The following HMCN1 variants were observed in gnomAD, a reference collection of about 807,000 sequenced individuals.
HMCN1 encodes the protein hemicentin 1, also known as hemicentin-1.
In HMCN1, 321 loss-of-function variants were observed where a neutral mutation model predicts 625.9. The observed-to-expected ratio is 0.51, with a 90% confidence interval of 0.47 to 0.56. The LOEUF is 0.56. HMCN1 is among the 20% of genes least tolerant of loss of function. The pLI is 0.00. For synonymous variants in HMCN1, 2,425 were observed against 2,417.6 expected, an observed-to-expected ratio of 1.00 and a Z score of -0.09; for missense variants, 6,588 against 6,887.3, an observed-to-expected ratio of 0.96 and a Z score of 1.54.
chr1:185,752,379 C>T (rs1408346624), intron 1 of HMCN1, among the ~76,000 whole-genome samples: 2 of 152,102 alleles, frequency 1.3e-5, no homozygotes, highest in East Asian at 3.9e-4. Context: ...GACATTAACA[C>T]TTTAATAGTC....
intron 1 of HMCN1, among the ~76,000 whole-genome samples, chr1:185,819,678 A>T (rs1660067190): frequency 1.3e-5 from 2 of 152,192 alleles, no homozygotes; most frequent in African/African-American, 2.4e-5. Flanking sequence ...TATTTTACTT[A>T]AAAAAGTCAT....
chr1:185,819,992 A>G (rs374683599), intron 1 of HMCN1, among the ~76,000 whole-genome samples: 1 of 152,310 alleles, frequency 6.6e-6, no homozygotes, highest in African/African-American at 2.4e-5. Flanking sequence ...CAGGAAATAG[A>G]TAAAGTGAGT....
At chr1:186,097,649 T>C (rs377052319) in intron 68 of HMCN1, among the ~76,000 whole-genome samples, 4 of 151,960 alleles carry the variant, frequency 2.6e-5, no homozygotes, top group African/African-American at 9.7e-5. Context: ...TCAGATTCAA[T>C]GCAATTTCTA....
chr1:186,144,484 G>A (rs758468775), intron 90 of HMCN1, 49 bp from the exon 91 acceptor site: 36 of 1,613,054 alleles, frequency 2.2e-5, no homozygotes, highest in South Asian at 5.5e-5. Flanking sequence ...AGTGTAACAC[G>A]ATGGTTCCTA....
chr1:185,955,047 A>G (rs748917104), intron 11 of HMCN1, among the ~76,000 whole-genome samples: 2 of 152,088 alleles, frequency 1.3e-5, no homozygotes, highest in African/African-American at 2.4e-5. Flanking sequence ...GGTTAGGTCA[A>G]TATTTCTCTG....
intron 1 of HMCN1, among the ~76,000 whole-genome samples, chr1:185,793,281 G>C (rs1658127615): frequency 6.6e-6 from 1 of 152,182 alleles, no homozygotes; most frequent in Non-Finnish European, 1.5e-5. Flanking sequence ...CCATCTGGAG[G>C]CTGGAGGGGT....
At chr1:185,978,034 T>A (rs1651353699) in intron 16 of HMCN1, 53 bp downstream of exon 16, 1 of 1,282,428 alleles carries the variant, frequency 7.8e-7, no homozygotes, top group African/African-American at 1.5e-5. Flanking sequence ...TGTTATATAT[T>A]TATGTTTTAT....
intron 2 of HMCN1, among the ~76,000 whole-genome samples, chr1:185,848,619 G>A (rs975279016): frequency 3.3e-5 from 5 of 151,972 alleles, no homozygotes; most frequent in African/African-American, 1.2e-4. Context: ...TGTCACAATG[G>A]CCTTCTAAAA....
At chr1:185,857,735 A>G (rs1662560663) in intron 2 of HMCN1, among the ~76,000 whole-genome samples, 1 of 152,180 alleles carries the variant, frequency 6.6e-6, no homozygotes, top group Admixed American at 6.5e-5. Flanking sequence ...GAATATGTCA[A>G]GATTGCTTTG....
chr1:185,784,087 C>T (rs763708593), intron 1 of HMCN1, among the ~76,000 whole-genome samples: 13 of 152,204 alleles, frequency 8.5e-5, no homozygotes, highest in Non-Finnish European at 1.8e-4. Context: ...TGCCACCTTG[C>T]AGTTTGATCT....
chr1:185,947,778 A>C (rs991164156), intron 11 of HMCN1, among the ~76,000 whole-genome samples: 8 of 152,252 alleles, frequency 5.3e-5, no homozygotes, highest in African/African-American at 1.9e-4. Context: ...AAAGTTAAAA[A>C]TGTTTAAATG....
intron 6 of HMCN1, among the ~76,000 whole-genome samples, chr1:185,920,605 T>C (rs1280437401): frequency 6.6e-6 from 1 of 152,190 alleles, no homozygotes. Context: ...GGCTCCCTCT[T>C]CATCAAATCT....
rs564245563 is a variant in HMCN1, at chr1:186,067,995, C to T, written c.7867C>T (p.Arg2623Cys). The change falls in exon 50 of 107, where the codon CGT (arginine) becomes TGT (cysteine). Residue 2623 changes from arginine to cysteine, a missense_variant. Around this residue, in one of 3 missense-constraint regions of HMCN1, gnomAD observed 4,628 missense variants for 4,853.1 expected, o/e 0.95. Coordinates refer to ENST00000271588, the MANE Select transcript of HMCN1 (RefSeq NM_031935.3). The part of the protein sequence containing the change: ...GTPLESNRNI[R>C]ILPGGRTLQI... ...TCCTTTAGAATCTAACCGAAATATT[C>T]GTATTCTTCCAGGTAATTCATTTGC... 12 of 1,613,002 alleles carry T rather than the reference C, an allele frequency of 7.4e-6. No individual in the cohort carries two copies. The highest frequency in any genetic ancestry group is 2.7e-5 in the African/African-American group (2 of 75,010).
intron 2 of HMCN1, among the ~76,000 whole-genome samples, chr1:185,848,739 C>T (rs1390817309): frequency 1.3e-5 from 2 of 152,112 alleles, no homozygotes; most frequent in Non-Finnish European, 2.9e-5. Flanking sequence ...TCTGGTTACC[C>T]AGCCAAATAT....
chr1:185,745,776 T>C (rs1654350022), intron 1 of HMCN1, among the ~76,000 whole-genome samples: 1 of 152,188 alleles, frequency 6.6e-6, no homozygotes, highest in South Asian at 2.1e-4. Context: ...CTGTCAGTGT[T>C]AGTATGACTA....
chr1:185,916,871 T>TAGAACATG (rs1266038771), intron 6 of HMCN1, among the ~76,000 whole-genome samples: 2 of 152,112 alleles, frequency 1.3e-5, no homozygotes, highest in Non-Finnish European at 2.9e-5. Flanking sequence ...TGCCATAATT[T>TAGAACATG]AGAACATGCA....
At chr1:186,146,465 A>G (rs1650322943) in intron 93 of HMCN1, among the ~76,000 whole-genome samples, 1 of 152,178 alleles carries the variant, frequency 6.6e-6, no homozygotes, top group South Asian at 2.1e-4. Context: ...GGTAGCTAAT[A>G]CTCAATACCT....
At chr1:186,062,236 G>A (rs1173283322) in intron 47 of HMCN1, among the ~76,000 whole-genome samples, 1 of 152,066 alleles carries the variant, frequency 6.6e-6, no homozygotes, top group Admixed American at 6.6e-5. Flanking sequence ...AGTTATAGTG[G>A]AAGAAATAAA....
intron 105 of HMCN1, among the ~76,000 whole-genome samples, chr1:186,185,947 T>C (rs918220418): frequency 2.0e-5 from 3 of 152,220 alleles, no homozygotes; most frequent in Non-Finnish European, 2.9e-5. Flanking sequence ...GAAAACCTTA[T>C]ACTTTACTCA....
Sources: allele counts gnomAD v4.1 joint callset (sites outside exome capture counted in the v4.1 genomes callset), GRCh38; gene constraint gnomAD v4.1.1; regional missense constraint gnomAD v4.1.1; transcripts MANE v1.5; gene names NCBI Gene and HGNC (gene_info 2026-07-23, HGNC 2026-07-21).